The following KAZN variants were observed in gnomAD, a reference collection of about 807,000 sequenced individuals.
KAZN encodes kazrin, periplakin interacting protein, also known as kazrin.
Under a neutral mutation model 87.4 loss-of-function variants are expected in KAZN, and 40 were observed. That is an observed-to-expected ratio of 0.46 (90% CI 0.36 to 0.60). KAZN has a LOEUF of 0.60. KAZN is among the 20% of genes least tolerant of loss of function. The pLI is 0.00. For synonymous variants in KAZN, 466 were observed against 458.3 expected (o/e 1.02, Z -0.22); for missense variants, 898 against 1,073.9 (o/e 0.84, Z 2.29).
chr1:14,236,777 A>G (rs923278246), intron 2 of KAZN, among the ~76,000 whole-genome samples: 2 of 151,860 alleles, frequency 1.3e-5, no homozygotes, highest in African/African-American at 2.4e-5. Context: ...ACAACAAAAG[A>G]GCCGGGTGTG....
chr1:14,394,729 A>C (rs1182753326), intron 2 of KAZN, among the ~76,000 whole-genome samples: 1 of 152,210 alleles, frequency 6.6e-6, no homozygotes, highest in Non-Finnish European at 1.5e-5. Flanking sequence ...CTCAGTCCTT[A>C]CTATATGTTG....
At chr1:14,829,541 G>A in intron 1 of KAZN, among the ~76,000 whole-genome samples, 1 of 152,176 alleles carries the variant, frequency 6.6e-6, no homozygotes, top group Admixed American at 6.5e-5. Flanking sequence ...CTGTACTCCA[G>A]CCTGGGTGAC....
chr1:14,164,698 G>A (rs1001660509), intron 1 of KAZN, among the ~76,000 whole-genome samples: 12 of 151,908 alleles, frequency 7.9e-5, no homozygotes, highest in East Asian at 1.9e-4. Context: ...GCACCACCAC[G>A]CCTGGCTCAT....
At chr1:14,069,331 T>C (rs1193320534) in intron 1 of KAZN, among the ~76,000 whole-genome samples, 1 of 152,176 alleles carries the variant, frequency 6.6e-6, no homozygotes, top group African/African-American at 2.4e-5. Flanking sequence ...TGAAAAGTGC[T>C]CATTCTGGAA....
At chr1:13,975,464 C>T (rs921498627) in intron 1 of KAZN, among the ~76,000 whole-genome samples, 24 of 152,170 alleles carry the variant, frequency 1.6e-4, no homozygotes, top group Non-Finnish European at 2.9e-4. Context: ...CCATGTGTAG[C>T]GGAAAAGAGC....
At chr1:14,413,698 A>AG (rs1239648304) in intron 2 of KAZN, among the ~76,000 whole-genome samples, 4 of 152,116 alleles carry the variant, frequency 2.6e-5, no homozygotes, top group Non-Finnish European at 5.9e-5. Context: ...CAAATGACAA[A>AG]GAAAATATGG....
intron 2 of KAZN, among the ~76,000 whole-genome samples, chr1:14,439,928 T>A (rs1034110494): frequency 1.3e-5 from 2 of 152,206 alleles, no homozygotes; most frequent in African/African-American, 4.8e-5. Context: ...CTCACCTCCT[T>A]CAGCGCTTGC....
intron 2 of KAZN, among the ~76,000 whole-genome samples, chr1:14,332,094 C>T (rs781644226): frequency 6.6e-6 from 1 of 152,052 alleles, no homozygotes; most frequent in Admixed American, 6.6e-5. Flanking sequence ...ATTTTATAAC[C>T]TTTAAAGAAA....
intron 1 of KAZN, among the ~76,000 whole-genome samples, chr1:14,894,806 A>G (rs1011066808): frequency 6.6e-6 from 1 of 152,270 alleles, no homozygotes; most frequent in African/African-American, 2.4e-5. Flanking sequence ...ATTCTGTGCT[A>G]TCACACCAAG....
chr1:15,076,730 T>C lies in KAZN; in HGVS notation c.1222+10977T>C, dbSNP rs1639774616. Among the ~76,000 whole-genome samples, 3 of 152,186 alleles carry C rather than the reference T, an allele frequency of 2.0e-5. No individual in the cohort carries two copies. In the South Asian group the frequency reaches 6.2e-4, roughly 32 times the overall value. On this transcript the variant is annotated intron_variant, in intron 8 of 14. Coordinates refer to ENST00000376030, the MANE Select transcript of KAZN (RefSeq NM_201628.3). Reference sequence around the variant, plus strand: ...GTCCCCCTCTCTGGGGAGGATGCAATGAGCTCATGCTTACTAGTTGTAAAG... The same window carrying C: ...GTCCCCCTCTCTGGGGAGGATGCAACGAGCTCATGCTTACTAGTTGTAAAG...
chr1:14,467,402 A>C (rs1050390357), intron 2 of KAZN, among the ~76,000 whole-genome samples: 1 of 151,908 alleles, frequency 6.6e-6, no homozygotes, highest in African/African-American at 2.4e-5. Flanking sequence ...GAAGTTAGTA[A>C]TCGAGAAATG....
intron 1 of KAZN, among the ~76,000 whole-genome samples, chr1:14,074,682 C>G (rs140568188): frequency 6.6e-6 from 1 of 152,174 alleles, no homozygotes; most frequent in Non-Finnish European, 1.5e-5. Flanking sequence ...AAGGGCAGAA[C>G]TGGTCTCAAG....
chr1:14,391,513 C>T (rs1571499099), intron 2 of KAZN: 1 of 152,426 alleles, frequency 6.6e-6, no homozygotes, highest in Non-Finnish European at 1.5e-5. Flanking sequence ...ACACTTCACT[C>T]TTCTGGCTAC....
intron 13 of KAZN, among the ~76,000 whole-genome samples, chr1:15,111,623 T>C (rs867897199): frequency 4.6e-5 from 7 of 152,222 alleles, no homozygotes; most frequent in Non-Finnish European, 8.8e-5. Flanking sequence ...TGGTGACTTC[T>C]GGCTCCAGGC....
intron 2 of KAZN, among the ~76,000 whole-genome samples, chr1:14,419,253 C>T (rs571418620): frequency 6.6e-6 from 1 of 152,124 alleles, no homozygotes; most frequent in East Asian, 1.9e-4. Flanking sequence ...AAACTGAAGC[C>T]CAGAGAAATT....
chr1:15,109,467 G>A (rs571568491), intron 13 of KAZN, among the ~76,000 whole-genome samples: 4 of 152,330 alleles, frequency 2.6e-5, no homozygotes. Flanking sequence ...AACATATGGA[G>A]GGAATAGCTG....
chr1:14,565,099 A>T (rs1162333842), intron 2 of KAZN, among the ~76,000 whole-genome samples: 2 of 152,184 alleles, frequency 1.3e-5, no homozygotes, highest in African/African-American at 4.8e-5. Context: ...CTAGCTTGAT[A>T]AATAGAGCAT....
chr1:14,980,046 A>G (rs1305045545), intron 2 of KAZN, among the ~76,000 whole-genome samples: 1 of 151,834 alleles, frequency 6.6e-6, no homozygotes, highest in East Asian at 1.9e-4. Flanking sequence ...AAGCCACCAC[A>G]CCTGGCTAAT....
intron 1 of KAZN, among the ~76,000 whole-genome samples, chr1:14,029,080 A>T (rs1300270699): frequency 6.8e-6 from 1 of 147,556 alleles, no homozygotes; most frequent in Non-Finnish European, 1.5e-5. Flanking sequence ...ACTAGTTTAC[A>T]GTCCCACCAA....
Sources: gnomAD v4.1 joint callset for allele counts (sites outside exome capture counted in the v4.1 genomes callset) on GRCh38, gnomAD v4.1.1 for gene constraint, MANE v1.5 for transcripts, NCBI Gene and HGNC (gene_info 2026-07-23, HGNC 2026-07-21) for gene names.